The following EPB41 variants were observed in gnomAD, a reference collection of about 807,000 sequenced individuals.
The protein encoded by EPB41 is erythrocyte membrane protein band 4.1.
In EPB41, 65 loss-of-function variants were observed where a neutral mutation model predicts 108.0. The ratio of observed to expected loss-of-function variants is 0.60; its 90% CI spans 0.49 to 0.74. EPB41 has a LOEUF of 0.74. EPB41 is among the 30% of genes least tolerant of loss of function. The pLI is 0.00. For missense variants in EPB41, 875 were observed against 1,037.0 expected (o/e 0.84, Z 2.15); for synonymous variants, 336 against 358.9 (o/e 0.94, Z 0.72).
At chr1:28,962,494 T>C (rs1376544547) in intron 1 of EPB41, among the ~76,000 whole-genome samples, 1 of 152,220 alleles carries the variant, frequency 6.6e-6, no homozygotes, top group Non-Finnish European at 1.5e-5. Flanking sequence ...TCAAAAGTTG[T>C]GCCACTATCA....
intron 1 of EPB41, among the ~76,000 whole-genome samples, chr1:28,932,785 T>A (rs2148585341): frequency 6.6e-6 from 1 of 152,318 alleles, no homozygotes; most frequent in Middle Eastern, 3.4e-3. Context: ...TGCTCTGTGA[T>A]AGTATGGCCT....
chr1:29,097,747 A>C, intron 16 of EPB41, 60 bp from the exon 17 acceptor site: 1 of 1,587,164 alleles, frequency 6.3e-7, no homozygotes. Flanking sequence ...CAGTGTCAGA[A>C]GATTACTTCT....
chr1:29,015,813 G>A (rs777782333), intron 6 of EPB41, 46 bp downstream of exon 6: 16 of 1,230,786 alleles, frequency 1.3e-5, no homozygotes, highest in Non-Finnish European at 1.7e-5. Context: ...ATAATAATGT[G>A]TATGATGAGA....
chr1:28,906,701 A>C (rs780961592), intron 1 of EPB41, among the ~76,000 whole-genome samples: 73 of 152,312 alleles, frequency 4.8e-4, no homozygotes, highest in Middle Eastern at 3.4e-3. Context: ...AAAGCAGTAC[A>C]TAGTAGAGGA....
At chr1:29,072,051 A>G (rs1478547526) in intron 16 of EPB41, 2 of 152,206 alleles carry the variant, frequency 1.3e-5, no homozygotes, top group South Asian at 2.1e-4. Flanking sequence ...AGAAATAATT[A>G]TCTGTTATTT....
At chr1:28,908,665 C>G (rs1472669734) in intron 1 of EPB41, among the ~76,000 whole-genome samples, 9 of 149,478 alleles carry the variant, frequency 6.0e-5, no homozygotes, top group Admixed American at 5.3e-4. Context: ...CTCCTGACCT[C>G]GTGATCCACC....
At chr1:29,065,226 C>T (rs376688349) in intron 16 of EPB41, 68 bp downstream of exon 16, 2 of 1,479,406 alleles carry the variant, frequency 1.4e-6, no homozygotes, top group East Asian at 4.7e-5. Context: ...TATTAATATT[C>T]TGTATCTGAG....
At chr1:29,040,262 A>C (rs1640971771) in intron 11 of EPB41, among the ~76,000 whole-genome samples, 1 of 151,972 alleles carries the variant, frequency 6.6e-6, no homozygotes, top group Non-Finnish European at 1.5e-5. Flanking sequence ...CCTTACTACA[A>C]CAATCTTTTT....
At chr1:28,984,103 A>G (rs899721908) in intron 1 of EPB41, among the ~76,000 whole-genome samples, 1 of 152,058 alleles carries the variant, frequency 6.6e-6, no homozygotes, top group African/African-American at 2.4e-5. Flanking sequence ...TTACACCATC[A>G]AGCTATCCCT....
intron 16 of EPB41, among the ~76,000 whole-genome samples, chr1:29,093,331 G>C (rs948966565): frequency 5.3e-5 from 8 of 152,082 alleles, no homozygotes; most frequent in Non-Finnish European, 8.8e-5. Context: ...TCTTATGCTT[G>C]TTGGCCACAT....
At chr1:28,908,582 C>T (rs2092018005) in intron 1 of EPB41, among the ~76,000 whole-genome samples, 1 of 150,356 alleles carries the variant, frequency 6.7e-6, no homozygotes, top group South Asian at 2.1e-4. Flanking sequence ...CAGGCGTGTG[C>T]CACCACGCCT....
intron 16 of EPB41, among the ~76,000 whole-genome samples, chr1:29,082,123 G>A (rs892427219): frequency 6.6e-6 from 1 of 151,476 alleles, no homozygotes; most frequent in African/African-American, 2.4e-5. Flanking sequence ...TGGGTTTTTT[G>A]TTTGTTTTGT....
intron 1 of EPB41, among the ~76,000 whole-genome samples, chr1:28,904,696 G>C (rs536506191): frequency 6.6e-6 from 1 of 152,012 alleles, no homozygotes; most frequent in African/African-American, 2.4e-5. Context: ...TCAGGAGTTT[G>C]AGGCCAGCCT....
chr1:28,913,828 T>C (rs2092384467), upstream of EPB41, among the ~76,000 whole-genome samples: 1 of 152,138 alleles, frequency 6.6e-6, no homozygotes, highest in East Asian at 1.9e-4. Flanking sequence ...AAAGACACAC[T>C]AAGCAATTGT....
upstream of EPB41, chr1:28,914,521 G>A (rs1041360713): frequency 1.3e-5 from 2 of 152,292 alleles, no homozygotes; most frequent in Non-Finnish European, 2.9e-5. Flanking sequence ...TGAGGGGGAG[G>A]GGCGCGGGCC....
chr1:29,008,898 T>C (rs1204265951), intron 4 of EPB41, among the ~76,000 whole-genome samples: 1 of 152,190 alleles, frequency 6.6e-6, no homozygotes, highest in African/African-American at 2.4e-5. Context: ...GGCTAACTCA[T>C]TTGTCCTTCA....
Position 29,065,157 on chromosome 1 carries a change from G to C in EPB41, c.2183G>C (p.Gly728Ala). 1 of 1,590,130 alleles carries C rather than the reference G, an allele frequency of 6.3e-7. No individual in the cohort carries two copies. The highest frequency in any genetic ancestry group is 8.6e-7 in the Non-Finnish European group (1 of 1,166,216). Residue 728 changes from glycine (G) to alanine (A), a missense_variant and splice_region_variant, in exon 16 of 21, where the codon GGA becomes GCA. Physicochemically the swap from Gly to Ala is moderately conservative, Grantham distance 60. Around this residue, in one of 3 missense-constraint regions of EPB41, gnomAD observed 519 missense variants for 627.3 expected, o/e 0.83. Coordinates refer to ENST00000343067, the MANE Select transcript of EPB41 (RefSeq NM_001376013.1). Reference protein sequence around the residue: ...NINGQIPTGEGPPLVKTQTVT... With the variant: ...NINGQIPTGEAPPLVKTQTVT... ...AATGGGCAAATCCCCACAGGAGAAGGAGTGAGTACTTTGTCCACATGACCA... is the reference window on the plus strand; with the variant it reads ...AATGGGCAAATCCCCACAGGAGAAGCAGTGAGTACTTTGTCCACATGACCA...
chr1:28,952,796 T>A (rs2094787633), intron 1 of EPB41, among the ~76,000 whole-genome samples: 1 of 152,204 alleles, frequency 6.6e-6, no homozygotes, highest in Non-Finnish European at 1.5e-5. Flanking sequence ...TTGCTTCTTT[T>A]TGTAAATTTC....
intron 1 of EPB41, among the ~76,000 whole-genome samples, chr1:28,952,136 C>T (rs1331362628): frequency 6.6e-6 from 1 of 151,574 alleles, no homozygotes; most frequent in African/African-American, 2.4e-5. Flanking sequence ...TGTAATGAGA[C>T]TTTATGCTTA....
Sources: gnomAD v4.1 joint callset for allele counts (sites outside exome capture counted in the v4.1 genomes callset) on GRCh38, gnomAD v4.1.1 for gene constraint, gnomAD v4.1.1 regional missense constraint, MANE v1.5 for transcripts, NCBI Gene and HGNC (gene_info 2026-07-23, HGNC 2026-07-21) for gene names.